The following CUL4A variants were observed in gnomAD, a reference collection of about 807,000 sequenced individuals.
CUL4A encodes cullin-4A.
In CUL4A, 16 loss-of-function variants were observed where a neutral mutation model predicts 95.5. That is an observed-to-expected ratio of 0.17 (90% CI 0.11 to 0.25). The LOEUF is 0.25. CUL4A is among the 10% of genes least tolerant of loss of function. CUL4A has a pLI of 1.00. For missense variants in CUL4A, 610 were observed against 937.0 expected (o/e 0.65, Z 4.56); for synonymous variants, 380 against 353.1 (o/e 1.08, Z -0.85).
intron 2 of CUL4A, among the ~76,000 whole-genome samples, chr13:113,211,874 G>A (rs1324462162): frequency 6.6e-6 from 1 of 152,068 alleles, no homozygotes; most frequent in Non-Finnish European, 1.5e-5. Flanking sequence ...CCCCTTTTGC[G>A]TCTCTCCCAG....
intron 15 of CUL4A, among the ~76,000 whole-genome samples, chr13:113,249,649 A>G (rs2041944928): frequency 6.6e-6 from 1 of 152,238 alleles, no homozygotes; most frequent in Non-Finnish European, 1.5e-5. Flanking sequence ...TCATGCAGTA[A>G]CTTGAAGTTT....
At chr13:113,243,255 A>G (rs986229934) in intron 11 of CUL4A, 95 bp downstream of exon 11, 195 of 1,203,274 alleles carry the variant, frequency 1.6e-4, no homozygotes, top group South Asian at 1.5e-4. Context: ...AGGCAAAATC[A>G]ACCAAAATGT....
rs1177644819 is a variant in CUL4A at position 113,225,036 on chromosome 13, T to A, written c.369-2940T>A. 2.0e-5 allele frequency among the ~76,000 whole-genome samples: 3 copies of A among 152,180 alleles called. No individual in the cohort carries two copies. In the East Asian group the frequency reaches 5.8e-4, roughly 29 times the overall value. On this transcript the variant is annotated intron_variant, in intron 3 of 19. Coordinates refer to ENST00000375440, the MANE Select transcript of CUL4A (RefSeq NM_001008895.4). ...ACAGAAGCACCGTCTTTTTGCTTTT[T>A]CTTTTTTTTTTTAGTTACAGATATG...
At chr13:113,216,249 C>G (rs1257114324) in intron 2 of CUL4A, among the ~76,000 whole-genome samples, 1 of 152,218 alleles carries the variant, frequency 6.6e-6, no homozygotes, top group Non-Finnish European at 1.5e-5. Flanking sequence ...CTTCCTTGTT[C>G]TGTCTTCCAC....
chr13:113,220,266 A>G (rs1354360078), intron 3 of CUL4A, among the ~76,000 whole-genome samples: 2 of 152,234 alleles, frequency 1.3e-5, no homozygotes, highest in Non-Finnish European at 2.9e-5. Flanking sequence ...CAATCTCCAC[A>G]GCACCCCGCA....
intron 15 of CUL4A, among the ~76,000 whole-genome samples, chr13:113,252,815 G>A (rs2042028140): frequency 6.6e-6 from 1 of 152,188 alleles, no homozygotes; most frequent in African/African-American, 2.4e-5. Flanking sequence ...ACTGGCCCCA[G>A]CAAGCCCTGG....
Position 113,228,061 on chromosome 13 carries a change from T to A in CUL4A, c.438+16T>A. 6.2e-7 allele frequency: 1 copy of A among 1,602,862 alleles called. No individual in the cohort carries two copies. Among genetic ancestry groups the A allele is most frequent in the Non-Finnish European group, 8.5e-7 (1 of 1,169,966 alleles). On this transcript the variant is annotated intron_variant, in intron 4 of 19. Transcript: ENST00000375440. Reference sequence around the variant, plus strand: ...CAGACAAATGGTAAGCTTGTTCACTTTTTCATCAAAACACGACCTCATCCA... The same window carrying A: ...CAGACAAATGGTAAGCTTGTTCACTATTTCATCAAAACACGACCTCATCCA...
intron 4 of CUL4A, among the ~76,000 whole-genome samples, chr13:113,228,723 C>G (rs2139162070): frequency 6.6e-6 from 1 of 152,118 alleles, no homozygotes; most frequent in East Asian, 1.9e-4. Context: ...AACGCAGAGT[C>G]AGAGACACAC....
intron 5 of CUL4A, among the ~76,000 whole-genome samples, chr13:113,232,476 C>T (rs1329611965): frequency 1.3e-5 from 2 of 151,860 alleles, no homozygotes; most frequent in African/African-American, 2.4e-5. Context: ...GGATTTCTGG[C>T]TGGAGCCCAG....
At chr13:113,208,598 C>T (rs1468701387), upstream of CUL4A, 5 of 1,606,510 alleles carry the variant, frequency 3.1e-6, no homozygotes, top group East Asian at 2.3e-5. Flanking sequence ...CTAGGACCCA[C>T]CTGCTGCAGG....
At chr13:113,219,193 G>A (rs180743068) in intron 3 of CUL4A, 145 bp downstream of exon 3, 38 of 508,096 alleles carry the variant, frequency 7.5e-5, no homozygotes, top group African/African-American at 5.9e-4. Context: ...GTTTGTAAGC[G>A]AAATTTACCA....
At chr13:113,234,994 A>G in intron 7 of CUL4A, 69 bp from the exon 8 acceptor site, 1 of 1,183,270 alleles carries the variant, frequency 8.5e-7, no homozygotes, top group Non-Finnish European at 1.2e-6. Context: ...AGGAAAACAA[A>G]ATCTCAATTT....
chr13:113,229,603 G>A (rs1595376542), intron 5 of CUL4A, 84 bp downstream of exon 5: 2 of 1,128,478 alleles, frequency 1.8e-6, no homozygotes, highest in South Asian at 2.6e-5. Flanking sequence ...GGCTAAGATG[G>A]TAAAGTGTGT....
At chr13:113,247,034 G>A (rs2041875128) in intron 15 of CUL4A, among the ~76,000 whole-genome samples, 3 of 152,174 alleles carry the variant, frequency 2.0e-5, no homozygotes, top group Admixed American at 6.5e-5. Context: ...TTCTGATGAG[G>A]TCCCAGGAAG....
At chr13:113,252,760 C>T (rs886216955) in intron 15 of CUL4A, among the ~76,000 whole-genome samples, 1 of 152,150 alleles carries the variant, frequency 6.6e-6, no homozygotes, top group Admixed American at 6.5e-5. Context: ...AGGATCTGGC[C>T]TCAGACACCT....
intron 5 of CUL4A, among the ~76,000 whole-genome samples, chr13:113,232,688 AAGC>A (rs1275813019): frequency 6.6e-6 from 1 of 152,172 alleles, no homozygotes; most frequent in Non-Finnish European, 1.5e-5. Context: ...TCTCAGGGGA[AAGC>A]AGCAAACATT....
intron 15 of CUL4A, among the ~76,000 whole-genome samples, chr13:113,251,991 A>G (rs942007271): frequency 2.6e-5 from 4 of 152,168 alleles, no homozygotes; most frequent in African/African-American, 9.7e-5. Flanking sequence ...TGCGCAGCAC[A>G]GACGTGTCGG....
At chr13:113,233,419 T>G in intron 6 of CUL4A, 80 bp downstream of exon 6, 1 of 1,339,232 alleles carries the variant, frequency 7.5e-7, no homozygotes, top group Non-Finnish European at 1.0e-6. Flanking sequence ...CCAAAGATGT[T>G]AAACAATGAA....
chr13:113,212,692 G>A (rs1055641312), intron 2 of CUL4A, among the ~76,000 whole-genome samples: 8 of 152,202 alleles, frequency 5.3e-5, no homozygotes, highest in East Asian at 1.9e-4. Context: ...GGCTGAGGCC[G>A]GAGAATCGCT....
Sources: gnomAD v4.1 joint callset for allele counts (sites outside exome capture counted in the v4.1 genomes callset) on GRCh38, gnomAD v4.1.1 for gene constraint, MANE v1.5 for transcripts, NCBI Gene and HGNC (gene_info 2026-07-23, HGNC 2026-07-21) for gene names.